Variants in ESR1 observed in about 807,000 individuals in gnomAD.
ESR1 encodes the protein estrogen receptor.
ESR1 carries 12 observed loss-of-function variants against 52.7 expected under a neutral mutation model. That is an observed-to-expected ratio of 0.23 (90% confidence interval 0.15 to 0.37). The LOEUF (loss-of-function observed/expected upper bound fraction) is 0.37. Ranked by LOEUF, ESR1 falls within the 10% of genes least tolerant of loss-of-function variation. The probability of loss-of-function intolerance (pLI) is 1.00; values close to 1 mark genes in which losing one functional copy is unlikely to be tolerated. For synonymous variants in ESR1, 305 were observed against 316.8 expected (o/e 0.96, Z 0.39); for missense variants, 584 against 779.7 (o/e 0.75, Z 2.99).
At chr6:152,122,161 A>C in intron 6 of ESR1, 5 of 469,164 alleles carry the variant, frequency 1.1e-5, no homozygotes, top group Non-Finnish European at 1.6e-5. Flanking sequence ...AGTCCGGGGA[A>C]CTTTGGAGGT....
intron 6 of ESR1, among the ~76,000 whole-genome samples, chr6:152,064,090 A>G (rs1437360906): frequency 6.6e-6 from 1 of 152,240 alleles, no homozygotes; most frequent in Non-Finnish European, 1.5e-5. Context: ...CTTTGCTTGC[A>G]AAAACCCGGA....
chr6:151,723,856 C>T (rs931362327), intron 2 of ESR1, among the ~76,000 whole-genome samples: 1 of 152,054 alleles, frequency 6.6e-6, no homozygotes, highest in African/African-American at 2.4e-5. Context: ...GGTGACAGAG[C>T]AAGACTCCAT....
At chr6:151,682,192 C>A (rs1406916856) in intron 1 of ESR1, among the ~76,000 whole-genome samples, 3 of 152,198 alleles carry the variant, frequency 2.0e-5, no homozygotes. Flanking sequence ...GTTGTTTAAT[C>A]TGTGTGCACC....
intron 2 of ESR1, among the ~76,000 whole-genome samples, chr6:151,785,355 A>G (rs989948004): frequency 1.3e-5 from 2 of 152,182 alleles, no homozygotes; most frequent in Non-Finnish European, 2.9e-5. Flanking sequence ...TTCTGCCAAG[A>G]ATTTATACTT....
chr6:151,690,915 G>A (rs1378976094), intron 1 of ESR1, among the ~76,000 whole-genome samples: 3 of 152,152 alleles, frequency 2.0e-5, no homozygotes, highest in Non-Finnish European at 4.4e-5. Flanking sequence ...AGGGCAATCC[G>A]ACTACCCTTT....
intron 1 of ESR1, among the ~76,000 whole-genome samples, chr6:151,683,726 TCTCA>T (rs201856489): frequency 0.039 from 5,923 of 151,388 alleles, 146 homozygotes; most frequent in Non-Finnish European, 0.048. Context: ...TGAGATAGAG[TCTCA>T]CTCTGTCGCC....
At chr6:151,852,672 T>G (rs1273764932) in intron 2 of ESR1, among the ~76,000 whole-genome samples, 1 of 145,730 alleles carries the variant, frequency 6.9e-6, no homozygotes, top group Non-Finnish European at 1.5e-5. Flanking sequence ...TTATTTATAC[T>G]GTGGCAGTTC....
chr6:151,685,970 C>T (rs1339068883), upstream of ESR1, among the ~76,000 whole-genome samples: 1 of 151,816 alleles, frequency 6.6e-6, no homozygotes, highest in Non-Finnish European at 1.5e-5. Flanking sequence ...GCGGCACGAA[C>T]GTGGCTCACT....
At chr6:151,761,210 G>T (rs1784635408) in intron 2 of ESR1, among the ~76,000 whole-genome samples, 1 of 150,738 alleles carries the variant, frequency 6.6e-6, no homozygotes, top group African/African-American at 2.4e-5. Context: ...TTGGTGGTTG[G>T]CAGGTGTTTA....
At chr6:151,721,078 A>G (rs540487027) in intron 2 of ESR1, among the ~76,000 whole-genome samples, 4 of 152,232 alleles carry the variant, frequency 2.6e-5, no homozygotes, top group Non-Finnish European at 5.9e-5. Context: ...CATTTGCCAC[A>G]TCAATAAAGC....
chr6:152,125,308 A>C lies in ESR1; in HGVS notation c.893A>C (p.His298Pro), dbSNP rs767753827. 8.4e-6 allele frequency: 13 copies of C among 1,550,350 alleles called. No individual in the cohort carries two copies. The African/African-American group carries it at 1.8e-4, about 21-fold the overall frequency. The change falls in exon 7 of 7, where the codon CAT becomes CCT. Residue 298 changes from histidine (H) to proline (P), a missense_variant. Transcript: ENST00000427531. ...GCAAAGAAGAGAATCCTGAACTTGC[A>C]TCCTAAAATATTTGGAAACAAGTGG...
In ESR1 at chr6:151,795,057, G is replaced by A. The variant is rs551271997; in HGVS notation, c.-70-12786G>A. Reference sequence around the variant, plus strand: ...GAGCAAAATAGCAAGAAGAACTTGCGTTTCCTATATCATTGCATTTAATCT... The same window carrying A: ...GAGCAAAATAGCAAGAAGAACTTGCATTTCCTATATCATTGCATTTAATCT... On this transcript the variant is annotated intron_variant, in intron 2 of 2. Coordinates refer to the ESR1 transcript ENST00000404742. 5.3e-5 allele frequency among the ~76,000 whole-genome samples: 8 copies of A among 152,168 alleles called. No individual in the cohort carries two copies. The South Asian group carries it at 1.2e-3, about 24-fold the overall frequency.
intron 5 of ESR1, among the ~76,000 whole-genome samples, chr6:152,019,404 C>G (rs1321059760): frequency 6.6e-6 from 1 of 152,102 alleles, no homozygotes; most frequent in Non-Finnish European, 1.5e-5. Flanking sequence ...TAAAATTTCT[C>G]CTTAAAAACA....
chr6:152,109,499 C>G (rs1345685272), intron 6 of ESR1, among the ~76,000 whole-genome samples: 1 of 149,594 alleles, frequency 6.7e-6, no homozygotes, highest in Non-Finnish European at 1.5e-5. Flanking sequence ...AACTCCGTCT[C>G]TACCAAAAAA....
At position 151,944,469 on chromosome 6, in the gene ESR1, G is replaced by T. The variant is rs2128529364; in HGVS notation, c.1057G>T (p.Glu353Ter). 6.2e-7 allele frequency: 1 copy of T among 1,614,248 alleles called. No homozygotes were observed. Among genetic ancestry groups the T allele is most frequent in the Non-Finnish European group, 8.5e-7 (1 of 1,180,044 alleles). Residue 353 changes from glutamate to a stop codon, truncating the protein, a stop_gained, in exon 4 of 8, where the codon GAG becomes TAG. Coordinates refer to ENST00000206249, the MANE Select transcript of ESR1 (RefSeq NM_000125.4). LOFTEE classifies it high-confidence loss of function. Reference sequence around the variant, plus strand: ...CTTACTGACCAACCTGGCAGACAGGGAGCTGGTTCACATGATCAACTGGGC... The same window carrying T: ...CTTACTGACCAACCTGGCAGACAGGTAGCTGGTTCACATGATCAACTGGGC... ...MGLLTNLADRELVHMINWAKR... is the reference protein window; with the variant it reads ...MGLLTNLADR
chr6:151,928,934 T>C (rs2033179332), intron 3 of ESR1, among the ~76,000 whole-genome samples: 1 of 152,204 alleles, frequency 6.6e-6, no homozygotes, highest in South Asian at 2.1e-4. Context: ...TTGTACACTT[T>C]CTGTTCTTTT....
At chr6:151,858,193 G>A (rs977348223) in intron 2 of ESR1, among the ~76,000 whole-genome samples, 2 of 152,190 alleles carry the variant, frequency 1.3e-5, no homozygotes, top group African/African-American at 4.8e-5. Flanking sequence ...GTGGACATCA[G>A]GTAGCTGAGG....
chr6:152,087,005 G>T (rs1483222157), intron 6 of ESR1, among the ~76,000 whole-genome samples: 1 of 152,198 alleles, frequency 6.6e-6, no homozygotes, highest in Non-Finnish European at 1.5e-5. Flanking sequence ...TGAGAAGTCA[G>T]TTCCTCTGTG....
At chr6:151,971,156 TG>T (rs1280695585) in intron 4 of ESR1, among the ~76,000 whole-genome samples, 1 of 152,172 alleles carries the variant, frequency 6.6e-6, no homozygotes. Flanking sequence ...AGCAGAGACT[TG>T]GGGGGAAATA....
Sources: gnomAD v4.1 joint callset for allele counts (sites outside exome capture counted in the v4.1 genomes callset) on GRCh38, gnomAD v4.1.1 for gene constraint, MANE v1.5 for transcripts, NCBI Gene and HGNC (gene_info 2026-07-23, HGNC 2026-07-21) for gene names.